The following DOCK4 variants were observed in gnomAD, a reference collection of about 807,000 sequenced individuals.
DOCK4 encodes the protein dedicator of cytokinesis protein 4.
DOCK4 carries 97 observed loss-of-function variants against 268.1 expected under a neutral mutation model. That is an observed-to-expected ratio of 0.36 (90% CI 0.31 to 0.43). The LOEUF (loss-of-function observed/expected upper bound fraction) is 0.43. Among genes scored for constraint, DOCK4 ranks in the 20% least tolerant of loss-of-function variants. The pLI is 1.00. For synonymous variants in DOCK4, 954 were observed against 887.2 expected (o/e 1.08, Z -1.34); for missense variants, 2,145 against 2,455.7 (o/e 0.87, Z 2.67).
Position 111,741,666 on chromosome 7 carries a change from A to G in DOCK4, c.4798-5T>C, listed in dbSNP as rs1472940805. ...TTGCATACAAGCAGAGAACTCCTAA[A>G]GATGTAGTAAAGGAAATATCTCATT... On this transcript the variant is annotated splice_region_variant and splice_polypyrimidine_tract_variant and intron_variant, in intron 45 of 52. Transcript: ENST00000428084. The G allele has an allele frequency of 6.2e-7, 1 of 1,611,706 alleles. No individual in the cohort carries two copies. The highest frequency in any genetic ancestry group is 1.3e-5 in the African/African-American group (1 of 74,846).
chr7:111,974,767 C>T (rs570767964), intron 8 of DOCK4, among the ~76,000 whole-genome samples: 31 of 151,866 alleles, frequency 2.0e-4, no homozygotes, highest in South Asian at 2.1e-4. Flanking sequence ...ACCCTGTACC[C>T]GGGTTATTAT....
intron 45 of DOCK4, 43 bp from the exon 46 acceptor site, chr7:111,741,704 T>C: frequency 1.9e-6 from 3 of 1,599,248 alleles, no homozygotes; most frequent in Non-Finnish European, 2.6e-6. Flanking sequence ...AGTAATGATT[T>C]GGGCAAAATA....
Position 112,004,142 on chromosome 7 carries a change from T to C in DOCK4, c.38-11A>G, listed in dbSNP as rs1429319961. 5 of 1,563,790 alleles carry C rather than the reference T, an allele frequency of 3.2e-6. No homozygotes were observed. In the African/African-American group the frequency reaches 6.8e-5, roughly 21 times the overall value. ...GGAAACTGGCAATAACTGTAAAAAA[T>C]GATAAAGAATATATGAAGACAATCA... On this transcript the variant is annotated splice_polypyrimidine_tract_variant and intron_variant, in intron 1 of 52. Coordinates refer to ENST00000428084, the MANE Select transcript of DOCK4 (RefSeq NM_001363540.2).
chr7:111,741,178 G>A lies in DOCK4; in HGVS notation c.4956C>T (p.Ser1652=). The A allele has an allele frequency of 6.2e-7, 1 of 1,613,924 alleles. No homozygotes were observed. The highest frequency in any genetic ancestry group is 1.3e-5 in the African/African-American group (1 of 75,012). ...LSYPAVNRYS[S]SSLSSQASAE... ...CAGAAGCTTGTGAGGACAGTGAGGA[G>A]GAAGAATATCGGTTGACAGCTGGGT... Residue 1652 remains serine (S), a synonymous_variant, in exon 47 of 53, where the codon TCC becomes TCT. Coordinates refer to ENST00000428084, the MANE Select transcript of DOCK4 (RefSeq NM_001363540.2).
intron 1 of DOCK4, among the ~76,000 whole-genome samples, chr7:112,173,581 A>C (rs953273610): frequency 1.3e-5 from 2 of 152,126 alleles, no homozygotes; most frequent in African/African-American, 4.8e-5. Flanking sequence ...ATTGGGATCT[A>C]ATGTGGCTTT....
chr7:111,771,056 C>T (rs982439810), intron 36 of DOCK4, among the ~76,000 whole-genome samples: 1 of 152,240 alleles, frequency 6.6e-6, no homozygotes, highest in African/African-American at 2.4e-5. Context: ...ATTCAGTTTG[C>T]ACAGTTAGCA....
chr7:112,021,350 C>T (rs959650013), intron 1 of DOCK4, among the ~76,000 whole-genome samples: 1 of 152,118 alleles, frequency 6.6e-6, no homozygotes, highest in Admixed American at 6.5e-5. Flanking sequence ...GGTATCTGTT[C>T]TCAAAGGGCC....
chr7:112,169,848 T>C (rs11767847), intron 1 of DOCK4, among the ~76,000 whole-genome samples: 15,297 of 152,276 alleles, frequency 0.1, 952 homozygotes, highest in South Asian at 0.14. Context: ...TGAGCAGTGC[T>C]GCCACTGGGG....
At chr7:112,054,026 G>C (rs1162419765) in intron 1 of DOCK4, among the ~76,000 whole-genome samples, 1 of 152,074 alleles carries the variant, frequency 6.6e-6, no homozygotes, top group Non-Finnish European at 1.5e-5. Flanking sequence ...AAATAACAAA[G>C]GAATGGGATT....
At chr7:111,981,052 A>C (rs1798573994) in intron 7 of DOCK4, among the ~76,000 whole-genome samples, 1 of 152,256 alleles carries the variant, frequency 6.6e-6, no homozygotes, top group South Asian at 2.1e-4. Context: ...CAGGGCTATC[A>C]AGAAACTAAA....
intron 39 of DOCK4, among the ~76,000 whole-genome samples, chr7:111,762,762 CTTTTTTTTTTTT>C (rs869052136): frequency 3.2e-5 from 2 of 63,068 alleles, no homozygotes; most frequent in South Asian, 8.8e-4. Flanking sequence ...GTTTTGTTTT[CTTTTTTTTTTTT>C]TTTTTTTTTT....
rs1798279297 is a variant in DOCK4 at position 111,977,273 on chromosome 7, C to T, written c.560G>A (p.Arg187Gln). ...ITELYRLMEH[R>Q]HRKKDTPVQA... is the part of the protein sequence containing the mutation. ...CACCGGGGTGTCTTTCTTCCGATGTCGATGTTCCATCTGAATGACACCCCC... is the reference window on the plus strand; with the variant it reads ...CACCGGGGTGTCTTTCTTCCGATGTTGATGTTCCATCTGAATGACACCCCC... Residue 187 changes from arginine to glutamine, a missense_variant, in exon 8 of 53, where the codon CGA becomes CAA. This residue lies in a region of DOCK4 where 1,598 missense variants were observed against 1,986.7 expected (regional missense o/e 0.80). Coordinates refer to ENST00000428084, the MANE Select transcript of DOCK4 (RefSeq NM_001363540.2). The T allele has an allele frequency of 3.8e-6, 6 of 1,597,474 alleles. No homozygotes were observed. The highest frequency in any genetic ancestry group is 5.1e-6 in the Non-Finnish European group (6 of 1,171,690).
intron 8 of DOCK4, among the ~76,000 whole-genome samples, chr7:111,952,996 C>T (rs533454887): frequency 6.6e-6 from 1 of 152,178 alleles, no homozygotes; most frequent in East Asian, 1.9e-4. Context: ...GAGGCAGAAA[C>T]AGGCAGATCA....
intron 25 of DOCK4, among the ~76,000 whole-genome samples, chr7:111,841,462 A>G (rs946588257): frequency 6.6e-6 from 1 of 151,954 alleles, no homozygotes; most frequent in African/African-American, 2.4e-5. Context: ...CGCCTGGCCT[A>G]TTTTCTCTGT....
chr7:111,928,127 C>T (rs1793884918), intron 12 of DOCK4, among the ~76,000 whole-genome samples: 1 of 152,170 alleles, frequency 6.6e-6, no homozygotes, highest in East Asian at 1.9e-4. Context: ...TCACAAAGAA[C>T]TTAAATATGT....
intron 1 of DOCK4, among the ~76,000 whole-genome samples, chr7:112,126,743 G>C (rs1320630518): frequency 6.6e-6 from 1 of 152,142 alleles, no homozygotes; most frequent in Admixed American, 6.5e-5. Context: ...CAAAAAGTGG[G>C]CGAAGGATAT....
At chr7:111,936,371 A>G (rs1018425678) in intron 11 of DOCK4, among the ~76,000 whole-genome samples, 1 of 152,148 alleles carries the variant, frequency 6.6e-6, no homozygotes, top group African/African-American at 2.4e-5. Context: ...TACGTGGTGT[A>G]GTTCACCTGG....
intron 11 of DOCK4, among the ~76,000 whole-genome samples, 194 bp from the exon 12 acceptor site, chr7:111,935,822 C>T (rs1403891935): frequency 6.6e-6 from 1 of 152,148 alleles, no homozygotes. Flanking sequence ...TCTGGTAATG[C>T]CTGACCACCT....
intron 1 of DOCK4, among the ~76,000 whole-genome samples, chr7:112,130,030 C>G (rs974338055): frequency 6.6e-6 from 1 of 152,198 alleles, no homozygotes; most frequent in African/African-American, 2.4e-5. Flanking sequence ...TTGAACACAT[C>G]TAGACACGGA....
Sources: gnomAD v4.1 joint callset for allele counts (sites outside exome capture counted in the v4.1 genomes callset) on GRCh38, gnomAD v4.1.1 for gene constraint, gnomAD v4.1.1 regional missense constraint, MANE v1.5 for transcripts, NCBI Gene and HGNC (gene_info 2026-07-23, HGNC 2026-07-21) for gene names.